Variants in DMD observed in about 807,000 individuals in gnomAD.
DMD encodes mutant dystrophin.
Under a neutral mutation model 330.1 loss-of-function variants are expected in DMD, and 63 were observed. The observed-to-expected ratio is 0.19, with a 90% CI of 0.16 to 0.24. The LOEUF is 0.24. Among genes scored for constraint, DMD ranks in the 10% least tolerant of loss-of-function variants. The pLI, the probability that DMD is intolerant of heterozygous loss-of-function variation, is 1.00. For missense variants in DMD, 3,344 were observed against 2,684.1 expected (o/e 1.25, Z -5.43); for synonymous variants, 1,223 against 959.8 (o/e 1.27, Z -5.07).
rs2068006423 is a variant in DMD at position 32,733,535 on chromosome X, T to C, written c.650-34242A>G. On this transcript the variant is annotated intron_variant, in intron 7 of 78. Transcript: ENST00000357033. ...GAAGTAAAGCTCTCCTCAGCAAATGTAGAAGAACAGAAATTATAACAAACT... is the reference window on the plus strand; with the variant it reads ...GAAGTAAAGCTCTCCTCAGCAAATGCAGAAGAACAGAAATTATAACAAACT... Among the ~76,000 whole-genome samples the C allele has an allele frequency of 2.7e-5, 3 of 111,054 alleles. No homozygotes were observed. The South Asian group carries it at 1.1e-3, about 42-fold the overall frequency.
intron 3 of DMD, among the ~76,000 whole-genome samples, chrX:32,846,720 A>ATT (rs1211451911): frequency 1.6e-5 from 1 of 61,637 alleles, no homozygotes; most frequent in African/African-American, 6.4e-5. Context: ...AAGACTTTAG[A>ATT]TTTAAAAAAA....
intron 29 of DMD, among the ~76,000 whole-genome samples, chrX:32,414,704 A>C (rs1364413592): frequency 8.9e-6 from 1 of 112,207 alleles, no homozygotes; most frequent in Non-Finnish European, 1.9e-5. Context: ...ATTGTAAACA[A>C]AGGTCACCAC....
At chrX:31,666,511 C>T (rs1476579806) in intron 53 of DMD, among the ~76,000 whole-genome samples, 2 of 112,357 alleles carry the variant, frequency 1.8e-5, no homozygotes, top group Non-Finnish European at 3.8e-5. Context: ...CCTATGCTGA[C>T]TGACATACCT....
chrX:32,755,516 C>A (rs1312006978), intron 7 of DMD, among the ~76,000 whole-genome samples: 1 of 111,775 alleles, frequency 8.9e-6, no homozygotes, highest in Non-Finnish European at 1.9e-5. Context: ...TTTACTCCAA[C>A]TAAGAGCAGC....
chrX:32,535,890 A>T (rs979331516), intron 17 of DMD, among the ~76,000 whole-genome samples: 1 of 111,727 alleles, frequency 9.0e-6, no homozygotes, highest in Admixed American at 9.5e-5. Context: ...TTCTTCCCTC[A>T]AGGCGTTTAC....
Position 32,132,993 on chromosome X carries a change from C to CTTTTTTTTTTT in DMD, c.6438+83912_6438+83922dup, listed in dbSNP as rs377615262. ...TCTCATTGATCACTCCTTTTCTTTT[C>CTTTTTTTTTTT]TTTTTTTTTTTTTTTTTTTTTTTTT... On this transcript the variant is annotated intron_variant, in intron 44 of 78. Coordinates refer to ENST00000357033, the MANE Select transcript of DMD (RefSeq NM_004006.3). 2.2e-3 allele frequency among the ~76,000 whole-genome samples: 168 copies of CTTTTTTTTTTT among 75,873 alleles called. 2 individuals are homozygous for CTTTTTTTTTTT. The highest frequency in any genetic ancestry group is 2.8e-3 in the Non-Finnish European group (126 of 44,787). 65.9% of individuals were successfully genotyped at this position (75,873 alleles called of 115,157 possible).
intron 59 of DMD, among the ~76,000 whole-genome samples, chrX:31,472,079 T>C (rs1445215342): frequency 8.9e-6 from 1 of 112,555 alleles, no homozygotes; most frequent in Non-Finnish European, 1.9e-5. Context: ...ATAGCATTTT[T>C]ACAACAACAA....
chrX:31,966,090 A>G (rs17308947), intron 45 of DMD, among the ~76,000 whole-genome samples: 3,380 of 111,209 alleles, frequency 0.03, 46 homozygotes, highest in Non-Finnish European at 0.048. Context: ...AAAGTCCATT[A>G]CAAACGAAGA....
chrX:32,781,287 C>G (rs1248165731), intron 7 of DMD, among the ~76,000 whole-genome samples: 1 of 111,063 alleles, frequency 9.0e-6, no homozygotes, highest in Non-Finnish European at 1.9e-5. Flanking sequence ...GGAACAAACT[C>G]CACTGGAACA....
At chrX:32,844,994 G>A in intron 3 of DMD, 134 bp from the exon 4 acceptor site, 1 of 564,642 alleles carries the variant, frequency 1.8e-6, no homozygotes, top group Non-Finnish European at 3.0e-6. Context: ...TTAATATAAT[G>A]AATCTAAATA....
chrX:31,747,135 T>A (rs2087911445), intron 51 of DMD, among the ~76,000 whole-genome samples: 1 of 111,605 alleles, frequency 9.0e-6, no homozygotes, highest in African/African-American at 3.3e-5. Flanking sequence ...GTGAGTGGAA[T>A]TGCTATTATA....
chrX:31,552,780 C>T (rs62590902), intron 55 of DMD, among the ~76,000 whole-genome samples: 14,696 of 111,307 alleles, frequency 0.13, 919 homozygotes, highest in Admixed American at 0.22. Flanking sequence ...TTTGGCTCTG[C>T]GATCTTCAGC....
intron 7 of DMD, among the ~76,000 whole-genome samples, chrX:32,797,951 T>G (rs2076292697): frequency 8.9e-6 from 1 of 111,822 alleles, no homozygotes; most frequent in East Asian, 2.8e-4. Context: ...AATCGCATGA[T>G]TATACTTCAT....
At chrX:32,730,999 C>G (rs139883416) in intron 7 of DMD, among the ~76,000 whole-genome samples, 3,099 of 111,530 alleles carry the variant, frequency 0.028, 44 homozygotes, top group Middle Eastern at 0.08. Context: ...ATCTGAGGTA[C>G]CAGGTTCATC....
chrX:33,241,778 A>G (rs1363215288), intron 1 of DMD, among the ~76,000 whole-genome samples: 2 of 111,081 alleles, frequency 1.8e-5, no homozygotes, highest in African/African-American at 3.3e-5. Context: ...GCGGGTGGAC[A>G]GAGGACAGAG....
intron 43 of DMD, among the ~76,000 whole-genome samples, chrX:32,286,440 T>C (rs1322710492): frequency 8.9e-6 from 1 of 111,757 alleles, no homozygotes; most frequent in Non-Finnish European, 1.9e-5. Context: ...TACAAAACAC[T>C]TGGGCATCTG....
chrX:32,130,761 T>C (rs2096688676), intron 44 of DMD, among the ~76,000 whole-genome samples: 1 of 112,298 alleles, frequency 8.9e-6, no homozygotes, highest in East Asian at 2.8e-4. Flanking sequence ...CCTTTTCAAA[T>C]GTCATTTCCT....
At chrX:32,951,604 G>C (rs7882784) in intron 2 of DMD, among the ~76,000 whole-genome samples, 4,353 of 111,175 alleles carry the variant, frequency 0.039, 216 homozygotes, top group African/African-American at 0.14. Context: ...TCTCCTTTCT[G>C]AAACCTTTCC....
At chrX:31,728,825 CCAGTGTGTGT>C (rs2086277575) in intron 52 of DMD, among the ~76,000 whole-genome samples, 2 of 111,503 alleles carry the variant, frequency 1.8e-5, no homozygotes, top group Admixed American at 1.9e-4. Flanking sequence ...AAATTCAATA[CCAGTGTGTGT>C]CCCTGGAGGG....
Sources: gnomAD v4.1 joint callset for allele counts (sites outside exome capture counted in the v4.1 genomes callset) on GRCh38, gnomAD v4.1.1 for gene constraint, MANE v1.5 for transcripts, NCBI Gene and HGNC (gene_info 2026-07-23, HGNC 2026-07-21) for gene names.